NPAS2: variants seen among roughly 807,000 people sequenced by gnomAD.
NPAS2 encodes neuronal PAS domain-containing protein 2.
A neutral mutation model predicts 107.5 loss-of-function variants in NPAS2; 23 were observed. That is an observed-to-expected ratio of 0.21 (90% CI 0.15 to 0.30). The LOEUF (loss-of-function observed/expected upper bound fraction) is 0.30, where lower values mean the gene tolerates loss of function less well. NPAS2 is among the 10% of genes least tolerant of loss of function. The pLI, the probability that NPAS2 is intolerant of heterozygous loss-of-function variation, is 1.00. For synonymous variants in NPAS2, 403 were observed against 417.5 expected, an observed-to-expected ratio of 0.97 and a Z score of 0.42; for missense variants, 756 against 1,043.3, an observed-to-expected ratio of 0.72 and a Z score of 3.79.
chr2:100,949,375 G>A lies in NPAS2; in HGVS notation c.493G>A (p.Asp165Asn), dbSNP rs748982724. The A allele has an allele frequency of 3.7e-6, 6 of 1,608,512 alleles. No homozygotes were observed. The highest frequency in any genetic ancestry group is 4.5e-5 in the East Asian group (2 of 44,864). The change falls in exon 7 of 21, where the codon GAT becomes AAT. Residue 165 changes from aspartate (D) to asparagine (N), a missense_variant. Asp to Asn is a conservative substitution (Grantham distance 23, BLOSUM62 1). Transcript: ENST00000335681. ...PSPEYLKSDS[D>N]LEFYCHLLRG... is the part of the protein sequence containing the mutation. ...TTCCTTTAACGGCCCAGCTGACAGC[G>A]ATTTAGAGTTTTATTGCCATCTTCT...
At chr2:100,842,076 T>TAC (rs1199692292) in intron 1 of NPAS2, among the ~76,000 whole-genome samples, 6 of 64,084 alleles carry the variant, frequency 9.4e-5, no homozygotes, top group African/African-American at 1.5e-4. Context: ...AGTGTGCATG[T>TAC]ACGCGCACAC....
intron 7 of NPAS2, among the ~76,000 whole-genome samples, chr2:100,958,280 T>C (rs2105112460): frequency 6.6e-6 from 1 of 152,352 alleles, no homozygotes; most frequent in Non-Finnish European, 1.5e-5. Flanking sequence ...TTTTGTATGT[T>C]CCGTGGGATT....
At chr2:100,852,094 G>T (rs1375596366) in intron 1 of NPAS2, among the ~76,000 whole-genome samples, 2 of 152,096 alleles carry the variant, frequency 1.3e-5, no homozygotes, top group Non-Finnish European at 2.9e-5. Flanking sequence ...CTTGCCTTGG[G>T]TTTAGCAAAT....
chr2:100,902,565 A>G (rs1441197542), intron 1 of NPAS2, among the ~76,000 whole-genome samples: 1 of 152,184 alleles, frequency 6.6e-6, no homozygotes, highest in African/African-American at 2.4e-5. Context: ...TGAGTAGGGA[A>G]TGGGGACTTC....
chr2:100,944,062 A>G (rs1674742237), intron 5 of NPAS2, among the ~76,000 whole-genome samples: 2 of 152,148 alleles, frequency 1.3e-5, no homozygotes, highest in African/African-American at 2.4e-5. Context: ...TCTCTACACT[A>G]CCTTCTGAAA....
At chr2:100,833,833 T>C (rs1408570156) in intron 1 of NPAS2, among the ~76,000 whole-genome samples, 3 of 152,176 alleles carry the variant, frequency 2.0e-5, no homozygotes, top group African/African-American at 7.2e-5. Context: ...GAATGGAGGC[T>C]CAGCTCCCAC....
intron 20 of NPAS2, chr2:100,995,173 C>A (rs954351807): frequency 2.1e-6 from 1 of 473,678 alleles, no homozygotes; most frequent in African/African-American, 2.0e-5. Context: ...AAGGTGCCCC[C>A]ACTATTGGCG....
chr2:100,879,092 G>A (rs1283919433), intron 1 of NPAS2, among the ~76,000 whole-genome samples: 2 of 147,750 alleles, frequency 1.4e-5, no homozygotes, highest in South Asian at 2.1e-4. Flanking sequence ...CAGCCTGGGC[G>A]ACAGAGCGAG....
intron 1 of NPAS2, among the ~76,000 whole-genome samples, chr2:100,894,067 G>T (rs533505906): frequency 6.6e-6 from 1 of 152,220 alleles, no homozygotes; most frequent in African/African-American, 2.4e-5. Context: ...CGGATATGCC[G>T]TGACAAAATA....
At chr2:100,890,089 C>A (rs1290337787) in intron 1 of NPAS2, among the ~76,000 whole-genome samples, 1 of 152,266 alleles carries the variant, frequency 6.6e-6, no homozygotes. Context: ...CCTCCTGCTT[C>A]TGTGTGCATA....
chr2:100,949,990 C>T (rs1364528645), intron 7 of NPAS2, among the ~76,000 whole-genome samples: 1 of 152,202 alleles, frequency 6.6e-6, no homozygotes, highest in Non-Finnish European at 1.5e-5. Context: ...AATTATCAAG[C>T]AGGATAAGCC....
intron 7 of NPAS2, among the ~76,000 whole-genome samples, chr2:100,954,887 G>GCA (rs1675477472): frequency 1.4e-5 from 2 of 146,286 alleles, no homozygotes; most frequent in Non-Finnish European, 3.0e-5. Context: ...GTTTTTTTTT[G>GCA]GTTTTTTTGA....
At chr2:100,867,458 CTAAGT>C (rs1170654954) in intron 1 of NPAS2, among the ~76,000 whole-genome samples, 1 of 152,146 alleles carries the variant, frequency 6.6e-6, no homozygotes, top group Non-Finnish European at 1.5e-5. Context: ...TTATATGCTA[CTAAGT>C]TATGTTTATT....
At chr2:100,889,451 GA>G (rs1328806709) in intron 1 of NPAS2, among the ~76,000 whole-genome samples, 1 of 152,200 alleles carries the variant, frequency 6.6e-6, no homozygotes, top group Non-Finnish European at 1.5e-5. Flanking sequence ...CATTCGAGGA[GA>G]CGACCAGTTT....
chr2:100,973,628 C>T (rs1234423490), intron 12 of NPAS2, among the ~76,000 whole-genome samples: 1 of 152,130 alleles, frequency 6.6e-6, no homozygotes, highest in Admixed American at 6.6e-5. Flanking sequence ...CAATATCCAC[C>T]CCCACTGCAG....
At chr2:100,881,464 T>C (rs1680334382) in intron 1 of NPAS2, among the ~76,000 whole-genome samples, 1 of 152,228 alleles carries the variant, frequency 6.6e-6, no homozygotes, top group African/African-American at 2.4e-5. Flanking sequence ...GGCAGGCAGA[T>C]CACTTGAGGC....
chr2:100,919,546 G>A (rs1683095118), intron 2 of NPAS2, among the ~76,000 whole-genome samples: 1 of 152,136 alleles, frequency 6.6e-6, no homozygotes. Flanking sequence ...GGAGCCTCAC[G>A]GACCCTTCCT....
chr2:100,991,023 C>T, intron 19 of NPAS2, 151 bp downstream of exon 19: 3 of 671,458 alleles, frequency 4.5e-6, no homozygotes, highest in South Asian at 3.5e-5. Context: ...GGGACGCTGC[C>T]CCTCAGCTTT....
intron 7 of NPAS2, among the ~76,000 whole-genome samples, chr2:100,952,858 T>TG (rs1401351759): frequency 6.6e-6 from 1 of 151,728 alleles, no homozygotes; most frequent in Non-Finnish European, 1.5e-5. Context: ...TGAGGTTTTT[T>TG]TTTTTTTTTT....
Sources: gnomAD v4.1 joint callset for allele counts (sites outside exome capture counted in the v4.1 genomes callset) on GRCh38, gnomAD v4.1.1 for gene constraint, MANE v1.5 for transcripts, NCBI Gene and HGNC (gene_info 2026-07-23, HGNC 2026-07-21) for gene names.